TRPM3: variants seen among roughly 807,000 people sequenced by gnomAD.
TRPM3 encodes the protein transient receptor potential cation channel subfamily M member 3.
In TRPM3, 77 loss-of-function variants were observed where a neutral mutation model predicts 181.2. The observed-to-expected ratio is 0.42, with a 90% CI of 0.35 to 0.51. TRPM3 has a LOEUF of 0.51. Among genes scored for constraint, TRPM3 ranks in the 20% least tolerant of loss-of-function variants. The pLI is 0.01. For missense variants in TRPM3, 1,759 were observed against 2,196.7 expected, an observed-to-expected ratio of 0.80 and a Z score of 3.98; for synonymous variants, 745 against 796.4, an observed-to-expected ratio of 0.94 and a Z score of 1.09.
intron 1 of TRPM3, among the ~76,000 whole-genome samples, chr9:71,213,707 G>A (rs1028892850): frequency 7.9e-5 from 12 of 152,132 alleles, no homozygotes; most frequent in Non-Finnish European, 1.8e-4. Flanking sequence ...TTAGGAGGTG[G>A]TGATATTCTC....
chr9:70,654,057 G>A (rs571604044), intron 9 of TRPM3, among the ~76,000 whole-genome samples: 17 of 149,022 alleles, frequency 1.1e-4, no homozygotes, highest in South Asian at 4.2e-4. Flanking sequence ...CAGTTTACAG[G>A]AGGTGGTCTT....
At chr9:71,388,823 G>A (rs1467409587) in intron 1 of TRPM3, among the ~76,000 whole-genome samples, 1 of 152,086 alleles carries the variant, frequency 6.6e-6, no homozygotes, top group Non-Finnish European at 1.5e-5. Flanking sequence ...TTGCCATCCA[G>A]AGCCCAGGGA....
At chr9:71,145,933 A>G (rs1161525172) in intron 1 of TRPM3, among the ~76,000 whole-genome samples, 5 of 152,192 alleles carry the variant, frequency 3.3e-5, no homozygotes, top group African/African-American at 7.2e-5. Context: ...AAAAAATTCT[A>G]AAGAACTAAG....
At chr9:71,204,996 A>G (rs2079038022) in intron 1 of TRPM3, among the ~76,000 whole-genome samples, 1 of 152,076 alleles carries the variant, frequency 6.6e-6, no homozygotes, top group Non-Finnish European at 1.5e-5. Flanking sequence ...TCTCACTCAT[A>G]GATGGGAATT....
intron 1 of TRPM3, among the ~76,000 whole-genome samples, chr9:71,165,119 C>T (rs1031369837): frequency 7.2e-5 from 11 of 152,166 alleles, no homozygotes; most frequent in African/African-American, 2.7e-4. Context: ...CGGAGCCAGG[C>T]TGACTGGGTC....
intron 1 of TRPM3, among the ~76,000 whole-genome samples, chr9:71,265,420 G>C (rs1740192530): frequency 6.6e-6 from 1 of 152,078 alleles, no homozygotes; most frequent in South Asian, 2.1e-4. Flanking sequence ...TAATAAGACT[G>C]GTTTTTAAAA....
chr9:70,838,526 A>G (rs2094454508), intron 5 of TRPM3, among the ~76,000 whole-genome samples: 1 of 152,186 alleles, frequency 6.6e-6, no homozygotes, highest in African/African-American at 2.4e-5. Context: ...TAGAAACCTG[A>G]AAAGACTAAG....
intron 1 of TRPM3, among the ~76,000 whole-genome samples, chr9:70,993,299 C>G (rs2097506487): frequency 6.6e-6 from 1 of 152,042 alleles, no homozygotes; most frequent in Admixed American, 6.5e-5. Context: ...GATTACAGTA[C>G]AGGTGTGAGG....
chr9:71,007,060 A>G (rs1167196043), intron 1 of TRPM3, among the ~76,000 whole-genome samples: 26 of 128,868 alleles, frequency 2.0e-4, no homozygotes, highest in Admixed American at 6.9e-4. Context: ...AAAAAAAAAA[A>G]AAAGAAAGAA....
intron 1 of TRPM3, among the ~76,000 whole-genome samples, chr9:70,937,888 G>A (rs1430757379): frequency 7.3e-6 from 1 of 136,354 alleles, no homozygotes; most frequent in African/African-American, 2.7e-5. Flanking sequence ...TCGGGGGAGG[G>A]TGTAGCTTCT....
At chr9:70,649,388 C>T (rs931895370) in intron 9 of TRPM3, among the ~76,000 whole-genome samples, 5 of 152,026 alleles carry the variant, frequency 3.3e-5, no homozygotes, top group Non-Finnish European at 7.4e-5. Context: ...AGTGTTTTGC[C>T]ATGTTGGCCG....
At chr9:70,662,243 T>C (rs2061239920) in intron 9 of TRPM3, among the ~76,000 whole-genome samples, 1 of 152,022 alleles carries the variant, frequency 6.6e-6, no homozygotes, top group Non-Finnish European at 1.5e-5. Flanking sequence ...AAACTGGATC[T>C]CCATCTGTCA....
intron 3 of TRPM3, among the ~76,000 whole-genome samples, chr9:70,856,231 T>A (rs1267665881): frequency 6.6e-6 from 1 of 152,226 alleles, no homozygotes; most frequent in Non-Finnish European, 1.5e-5. Flanking sequence ...ATCAGAAATA[T>A]AACTGATAAA....
At chr9:71,002,789 T>C (rs1339967128) in intron 1 of TRPM3, among the ~76,000 whole-genome samples, 1 of 152,182 alleles carries the variant, frequency 6.6e-6, no homozygotes, top group Non-Finnish European at 1.5e-5. Context: ...GATAAGATGA[T>C]ACTTCATTCC....
intron 1 of TRPM3, among the ~76,000 whole-genome samples, chr9:70,883,953 TATCAGGGGCAAG>T (rs1295377854): frequency 1.3e-5 from 2 of 152,250 alleles, no homozygotes; most frequent in Non-Finnish European, 2.9e-5. Flanking sequence ...GTTCTGTGTA[TATCAGGGGCAAG>T]ATCCTAGGAG....
chr9:71,188,640 C>A (rs1777062047), intron 1 of TRPM3, among the ~76,000 whole-genome samples: 1 of 151,824 alleles, frequency 6.6e-6, no homozygotes, highest in African/African-American at 2.4e-5. Flanking sequence ...TCATGTCTCT[C>A]AATTACCTAC....
intron 5 of TRPM3, among the ~76,000 whole-genome samples, chr9:70,837,539 T>C (rs1012584358): frequency 1.3e-5 from 2 of 152,198 alleles, no homozygotes; most frequent in Non-Finnish European, 2.9e-5. Context: ...TTTTAAATTG[T>C]TATGTGTCTT....
intron 6 of TRPM3, among the ~76,000 whole-genome samples, chr9:70,803,000 G>T (rs960069446): frequency 1.0e-4 from 13 of 124,888 alleles, no homozygotes; most frequent in Non-Finnish European, 1.5e-4. Flanking sequence ...GGCCAGAGCT[G>T]CTAGAAAACA....
chr9:71,213,122 A>G (rs2079612326), intron 1 of TRPM3, among the ~76,000 whole-genome samples: 1 of 152,232 alleles, frequency 6.6e-6, no homozygotes, highest in South Asian at 2.1e-4. Context: ...TTTACAGGCC[A>G]TACAATCTCT....
Sources: gnomAD v4.1 joint callset for allele counts (sites outside exome capture counted in the v4.1 genomes callset) on GRCh38, gnomAD v4.1.1 for gene constraint, MANE v1.5 for transcripts, NCBI Gene and HGNC (gene_info 2026-07-23, HGNC 2026-07-21) for gene names.